The following CREBBP variants were observed in gnomAD, a reference collection of about 807,000 sequenced individuals.
CREBBP encodes CREB binding lysine acetyltransferase.
Under a neutral mutation model 265.0 loss-of-function variants are expected in CREBBP, and 19 were observed. The ratio of observed to expected loss-of-function variants is 0.07; its 90% CI spans 0.05 to 0.11. The LOEUF (loss-of-function observed/expected upper bound fraction) is 0.11, where lower values mean the gene tolerates loss of function less well. Among genes scored for constraint, CREBBP ranks in the 10% least tolerant of loss-of-function variants. The probability of loss-of-function intolerance (pLI) is 1.00; values close to 1 mark genes in which losing one functional copy is unlikely to be tolerated. For synonymous variants in CREBBP, 1,457 were observed against 1,223.7 expected (o/e 1.19, Z -3.98); for missense variants, 2,525 against 3,219.0 (o/e 0.78, Z 5.22).
At position 3,879,953 on chromosome 16, in the gene CREBBP, G is replaced by T; in HGVS notation, c.-37C>A. 2 of 1,588,098 alleles carry T rather than the reference G, an allele frequency of 1.3e-6. No individual in the cohort carries two copies. The highest frequency in any genetic ancestry group is 8.6e-7 in the Non-Finnish European group (1 of 1,165,970). ...CGCGAAAACAGCCCCGGGCACGGGC[G>T]GCCGGGCCGGCGAGGGCCCGGACGG... On this transcript the variant is annotated 5_prime_UTR_variant, in exon 1 of 31. Transcript: ENST00000262367.
At chr16:3,832,958 C>G (rs546429626) in intron 2 of CREBBP, among the ~76,000 whole-genome samples, 2 of 152,072 alleles carry the variant, frequency 1.3e-5, no homozygotes, top group South Asian at 2.1e-4. Flanking sequence ...ATTCAGTAAT[C>G]GCTTATGATC....
In CREBBP at chr16:3,850,344, T is replaced by G; in HGVS notation, c.751A>C (p.Thr251Pro). Residue 251 changes from threonine (T) to proline (P), a missense_variant, in exon 2 of 31, where the codon ACT becomes CCT. Transcript: ENST00000262367. ...ETLTQVSPQM[T>P]GHAGLNTAQA... ...GCGGTGTTCAGTCCCGCGTGACCAGTCATTTGCGGGGAAACCTGCGTTAGG... is the reference window on the plus strand; with the variant it reads ...GCGGTGTTCAGTCCCGCGTGACCAGGCATTTGCGGGGAAACCTGCGTTAGG... 2 of 1,614,202 alleles carry G rather than the reference T, an allele frequency of 1.2e-6. No individual in the cohort carries two copies. Among genetic ancestry groups the G allele is most frequent in the Non-Finnish European group, 1.7e-6 (2 of 1,180,038 alleles).
chr16:3,777,716 G>A (rs2053178132), intron 10 of CREBBP, 59 bp from the exon 11 acceptor site: 6 of 1,588,356 alleles, frequency 3.8e-6, no homozygotes, highest in Non-Finnish European at 4.3e-6. Context: ...TATAATCCTT[G>A]ATTCAGGAAT....
At chr16:3,849,439 GTGTGTGTGTGTGTGTGTGT>G (rs2054761338) in intron 2 of CREBBP, among the ~76,000 whole-genome samples, 3 of 17,242 alleles carry the variant, frequency 1.7e-4, no homozygotes, top group South Asian at 3.5e-3. Flanking sequence ...GTGTGTGTGT[GTGTGTGTGTGTGTGTGTGT>G]GTGTGTGTGT....
At chr16:3,740,276 C>A (rs573141856) in intron 24 of CREBBP, 123 bp downstream of exon 24, 12 of 1,165,862 alleles carry the variant, frequency 1.0e-5, no homozygotes, top group African/African-American at 9.1e-5. Context: ...GGCTACTGCA[C>A]GCATTCGCTG....
chr16:3,750,404 C>T (rs2052446789), intron 20 of CREBBP, among the ~76,000 whole-genome samples: 3 of 152,144 alleles, frequency 2.0e-5, no homozygotes, highest in African/African-American at 7.2e-5. Context: ...TGTGGCAAAC[C>T]CTTCCTTTCT....
intron 21 of CREBBP, among the ~76,000 whole-genome samples, chr16:3,746,695 C>G (rs1420751730): frequency 6.6e-6 from 1 of 152,136 alleles, no homozygotes; most frequent in African/African-American, 2.4e-5. Flanking sequence ...ACCTGTAATC[C>G]TAGCATGTGG....
intron 2 of CREBBP, among the ~76,000 whole-genome samples, chr16:3,824,651 C>G (rs2054204183): frequency 6.6e-6 from 1 of 151,692 alleles, no homozygotes; most frequent in South Asian, 2.1e-4. Flanking sequence ...CCCATCCCCA[C>G]ACGCCTTTGC....
At chr16:3,799,697 T>C (rs1358130196) in intron 3 of CREBBP, among the ~76,000 whole-genome samples, 1 of 152,160 alleles carries the variant, frequency 6.6e-6, no homozygotes, top group African/African-American at 2.4e-5. Flanking sequence ...ATCCTATGGC[T>C]ACAGACTTAT....
chr16:3,765,773 G>A (rs1301962643), intron 16 of CREBBP, among the ~76,000 whole-genome samples: 1 of 151,884 alleles, frequency 6.6e-6, no homozygotes, highest in African/African-American at 2.4e-5. Context: ...TCAACCTCTC[G>A]AGTAGCTGCA....
intron 3 of CREBBP, among the ~76,000 whole-genome samples, chr16:3,806,270 C>T (rs914805610): frequency 3.3e-5 from 5 of 152,182 alleles, no homozygotes; most frequent in African/African-American, 1.2e-4. Context: ...GCCACACCAC[C>T]CTTCCATTCA....
intron 26 of CREBBP, among the ~76,000 whole-genome samples, chr16:3,737,184 A>G (rs1021591657): frequency 6.6e-6 from 1 of 152,192 alleles, no homozygotes; most frequent in African/African-American, 2.4e-5. Context: ...CCAAGGGTCA[A>G]TGTCAACATA....
At chr16:3,842,671 T>G (rs2054586775) in intron 2 of CREBBP, among the ~76,000 whole-genome samples, 1 of 151,982 alleles carries the variant, frequency 6.6e-6, no homozygotes, top group South Asian at 2.1e-4. Flanking sequence ...CACATAAAAT[T>G]AGAAATGAGA....
At position 3,725,872 on chromosome 16, in the gene CREBBP, G is replaced by C. The variant is rs2051729423; in HGVS notation, c.*1846C>G. On this transcript the variant is annotated 3_prime_UTR_variant, in exon 31 of 31. Transcript: ENST00000262367. ...TAGACCAGCCTTTGTTGGGGGACTA[G>C]GGATAAAGTGGGTTCTCTGGGTGCT... 4.3e-6 allele frequency: 1 copy of C among 233,064 alleles called. No individual in the cohort carries two copies. Among genetic ancestry groups the C allele is most frequent in the Non-Finnish European group, 8.5e-6 (1 of 118,000 alleles). The allele number at this position is 233,064 out of a possible 1,614,324, so 14.4% of individuals were successfully genotyped here.
rs2051735857 is a variant in CREBBP, at chr16:3,726,109, GT to G, written c.*1608del. 8.6e-6 allele frequency: 2 copies of G among 233,170 alleles called. No homozygotes were observed. The allele number at this position is 233,170 out of a possible 1,614,324, so 14.4% of individuals were successfully genotyped here. A position where few individuals can be genotyped will look rare whatever the true frequency, so the allele number is the denominator to read the frequency against. On this transcript the variant is annotated 3_prime_UTR_variant, in exon 31 of 31. Transcript: ENST00000262367. ...GGGACCGGAGCTGGTGCTCCAAGGT[GT>G]CTGTCCCTCAGCATTTCCTCAAACG... is the stretch of plus-strand genomic sequence containing the variant.
At position 3,829,531 on chromosome 16, in the gene CREBBP, T is replaced by C. The variant is rs553869249; in HGVS notation, c.799-18752A>G. Among the ~76,000 whole-genome samples the C allele has an allele frequency of 1.7e-3, 254 of 152,218 alleles. 1 individual carries two copies. The highest frequency in any genetic ancestry group is 5.8e-3 in the African/African-American group (241 of 41,534). ...CAGAGGTGGCACAGTGCTAGAGACA[T>C]AGAAGTTCTGATCAGTCGGAGTTTC... On this transcript the variant is annotated intron_variant, in intron 2 of 30. Transcript: ENST00000262367.
chr16:3,731,518 C>T lies in CREBBP; in HGVS notation c.4891-45G>A. 1 of 1,555,538 alleles carries T rather than the reference C, an allele frequency of 6.4e-7. No homozygotes were observed. Reference sequence around the variant, plus strand: ...TTAGTCCCACACAAGGGACATGGCACCTCCAGTGGTGAGCTCAGGGCAGGC... The same window carrying T: ...TTAGTCCCACACAAGGGACATGGCATCTCCAGTGGTGAGCTCAGGGCAGGC... On this transcript the variant is annotated intron_variant, in intron 29 of 30. Coordinates refer to ENST00000262367, the MANE Select transcript of CREBBP (RefSeq NM_004380.3). The surrounding 1 kb of genome is among the most constrained non-coding windows in gnomAD (Gnocchi z 7.7).
At chr16:3,768,908 A>C (rs1434637610) in intron 15 of CREBBP, among the ~76,000 whole-genome samples, 1 of 152,166 alleles carries the variant, frequency 6.6e-6, no homozygotes, top group Non-Finnish European at 1.5e-5. Context: ...GAGAACATAA[A>C]ATAAAAGGCT....
At chr16:3,802,780 G>C in intron 3 of CREBBP, among the ~76,000 whole-genome samples, 1 of 152,092 alleles carries the variant, frequency 6.6e-6, no homozygotes. Flanking sequence ...GATTCTTGCT[G>C]CTCGTCCTCA....
Sources: allele counts gnomAD v4.1 joint callset (sites outside exome capture counted in the v4.1 genomes callset), GRCh38; gene constraint gnomAD v4.1.1; non-coding constraint Gnocchi (gnomAD v3.1); transcripts MANE v1.5; gene names NCBI Gene and HGNC (gene_info 2026-07-23, HGNC 2026-07-21).